Variants in TRIM54 observed in about 807,000 individuals in gnomAD.
TRIM54 encodes tripartite motif-containing protein 54.
TRIM54 carries 40 observed loss-of-function variants against 42.0 expected under a neutral mutation model. The observed-to-expected ratio is 0.95, with a 90% CI of 0.74 to 1.24. The LOEUF is 1.24. TRIM54 is among the 50% of genes most tolerant of loss of function. TRIM54 has a pLI of 0.00. For missense variants in TRIM54, 485 were observed against 480.3 expected (o/e 1.01, Z -0.09); for synonymous variants, 199 against 194.9 (o/e 1.02, Z -0.17).
chr2:27,294,908 AAAG>A (rs1284894063), intron 1 of TRIM54, among the ~76,000 whole-genome samples: 1 of 151,542 alleles, frequency 6.6e-6, no homozygotes, highest in South Asian at 2.1e-4. Flanking sequence ...AAAAAAAAAA[AAAG>A]AGTATTACCT....
Position 27,306,685 on chromosome 2 carries a change from C to G in TRIM54, c.*1+143C>G, listed in dbSNP as rs1030783518. 1.5e-5 allele frequency: 14 copies of G among 911,996 alleles called. No homozygotes were observed. Among genetic ancestry groups the G allele is most frequent in the Non-Finnish European group, 2.3e-5 (14 of 614,398 alleles). The allele number at this position is 911,996 out of a possible 1,614,324, so 56.5% of individuals were successfully genotyped here. On this transcript the variant is annotated intron_variant, in intron 8 of 8. Coordinates refer to ENST00000380075, the MANE Select transcript of TRIM54 (RefSeq NM_187841.3). The surrounding 1 kb of genome is among the most constrained non-coding windows in gnomAD (Gnocchi z 6.1). ...GCCCCCACTCCTCGGTGCAACCCAA[C>G]CCCGGAGCCACAAAGGCGCGCCCCC...
At chr2:27,285,007 C>A (rs1678516808) in intron 1 of TRIM54, among the ~76,000 whole-genome samples, 1 of 152,168 alleles carries the variant, frequency 6.6e-6, no homozygotes, top group African/African-American at 2.4e-5. Flanking sequence ...TGGCTTGGGG[C>A]AAATCCTGTA....
chr2:27,291,299 G>A (rs1255066385), intron 1 of TRIM54, among the ~76,000 whole-genome samples: 6 of 152,202 alleles, frequency 3.9e-5, no homozygotes. Context: ...AGGTTGCAGT[G>A]AGCCGAGATC....
At chr2:27,300,004 T>C (rs957982281) in intron 3 of TRIM54, among the ~76,000 whole-genome samples, 2 of 151,512 alleles carry the variant, frequency 1.3e-5, no homozygotes, top group Non-Finnish European at 2.9e-5. Context: ...GATGTGGGGA[T>C]CTCTGTCGCG....
At position 27,282,775 on chromosome 2, in the gene TRIM54, A is replaced by G. The variant is rs772369859; in HGVS notation, c.44A>G (p.His15Arg). The G allele has an allele frequency of 6.2e-7, 1 of 1,613,782 alleles. No individual in the cohort carries two copies. Among genetic ancestry groups the G allele is most frequent in the South Asian group, 1.1e-5 (1 of 91,034 alleles). The part of the protein sequence containing the change: ...VGFKPLLGDA[H>R]SMDNLEKQLI... Reference sequence around the variant, plus strand: ...TTCAAGCCGCTGCTAGGGGATGCACACAGCATGGACAACCTGGAGAAGCAG... The same window carrying G: ...TTCAAGCCGCTGCTAGGGGATGCACGCAGCATGGACAACCTGGAGAAGCAG... The change falls in exon 1 of 9, where the codon CAC (histidine) becomes CGC (arginine). Residue 15 changes from histidine to arginine, a missense_variant. His to Arg is a conservative substitution (Grantham distance 29). Transcript: ENST00000380075.
At chr2:27,305,418 GT>G in intron 4 of TRIM54, 165 bp from the exon 5 acceptor site, 1 of 620,000 alleles carries the variant, frequency 1.6e-6, no homozygotes, top group Non-Finnish European at 2.9e-6. Flanking sequence ...AAAGCATTGT[GT>G]TTTTATTATG....
At chr2:27,299,143 C>T (rs1017420612) in intron 2 of TRIM54, 102 bp from the exon 3 acceptor site, 18 of 1,352,630 alleles carry the variant, frequency 1.3e-5, no homozygotes, top group Non-Finnish European at 1.6e-5. Context: ...GCACTAGCTG[C>T]AGGGGCGGAG....
In TRIM54 at chr2:27,306,025, G is replaced by C; in HGVS notation, c.844-55G>C. On this transcript the variant is annotated intron_variant, in intron 5 of 8. Coordinates refer to ENST00000380075, the MANE Select transcript of TRIM54 (RefSeq NM_187841.3). The surrounding 1 kb of genome is among the most constrained non-coding windows in gnomAD (Gnocchi z 6.1). Reference sequence around the variant, plus strand: ...GGACTGTGGTGAGATTCAGAAATGGGACTTTGCCCAGGTTGGCCCAGTGCT... The same window carrying C: ...GGACTGTGGTGAGATTCAGAAATGGCACTTTGCCCAGGTTGGCCCAGTGCT... The C allele has an allele frequency of 6.2e-7, 1 of 1,609,344 alleles. No individual in the cohort carries two copies.
At chr2:27,287,296 G>A (rs890658959) in intron 1 of TRIM54, among the ~76,000 whole-genome samples, 5 of 152,142 alleles carry the variant, frequency 3.3e-5, no homozygotes, top group Non-Finnish European at 7.3e-5. Context: ...CGACTTCCCA[G>A]CCTCTAGCCA....
At chr2:27,302,105 G>C (rs1448797797) in intron 3 of TRIM54, among the ~76,000 whole-genome samples, 1 of 151,964 alleles carries the variant, frequency 6.6e-6, no homozygotes, top group Non-Finnish European at 1.5e-5. Flanking sequence ...AGTGAGCTGA[G>C]ATTGCGCTAT....
rs1553379122 is a variant in TRIM54 at position 27,283,784 on chromosome 2, G to GCACGCACACACACA, written c.168+888_168+889insGCACACACACACAC. Among the ~76,000 whole-genome samples, 3 of 132,168 alleles carry GCACGCACACACACA rather than the reference G, an allele frequency of 2.3e-5. No individual in the cohort carries two copies. The Admixed American group carries it at 2.3e-4, about 10-fold the overall frequency. 86.7% of individuals were successfully genotyped at this position (132,168 alleles called of 152,430 possible). ...CAAAGGCACACACACACACACGCGC[G>GCACGCACACACACA]CACACACACACACACACACACACAC... On this transcript the variant is annotated intron_variant, in intron 1 of 8. Transcript: ENST00000380075.
At chr2:27,303,836 A>C (rs1383548862) in intron 3 of TRIM54, among the ~76,000 whole-genome samples, 1 of 152,226 alleles carries the variant, frequency 6.6e-6, no homozygotes, top group African/African-American at 2.4e-5. Flanking sequence ...GGAATTATTA[A>C]ATAATTGGAA....
rs372346323 is a variant in TRIM54 at position 27,282,758 on chromosome 2, G to A, written c.27G>A (p.Pro9=). 2.0e-5 allele frequency: 33 copies of A among 1,611,438 alleles called. No individual in the cohort carries two copies. Among genetic ancestry groups the A allele is most frequent in the African/African-American group, 4.0e-5 (3 of 74,736 alleles). The change falls in exon 1 of 9, where the codon CCG becomes CCA. Residue 9 remains proline (P), a synonymous_variant. Transcript: ENST00000380075. ...TGAACTTCACAGTGGGTTTCAAGCC[G>A]CTGCTAGGGGATGCACACAGCATGG... MNFTVGFK[P]LLGDAHSMDN... is the part of the protein sequence containing the mutation.
intron 1 of TRIM54, among the ~76,000 whole-genome samples, chr2:27,284,904 C>T (rs1485440052): frequency 6.6e-6 from 1 of 152,152 alleles, no homozygotes; most frequent in Non-Finnish European, 1.5e-5. Flanking sequence ...TTTAAGTGAC[C>T]TGCTTATTTA....
At chr2:27,283,402 A>C (rs1403417745) in intron 1 of TRIM54, among the ~76,000 whole-genome samples, 1 of 152,180 alleles carries the variant, frequency 6.6e-6, no homozygotes, top group African/African-American at 2.4e-5. Context: ...TGTGGGTGAC[A>C]GAGTTAGACA....
At chr2:27,304,822 C>A in intron 3 of TRIM54, 137 bp from the exon 4 acceptor site, 1 of 638,632 alleles carries the variant, frequency 1.6e-6, no homozygotes, top group Admixed American at 2.7e-5. Flanking sequence ...ATGGTTCAAG[C>A]CTTCTAGATT....
In TRIM54 at chr2:27,307,297, G is replaced by T. The variant is rs1280196323; in HGVS notation, c.*412G>T. The T allele has an allele frequency of 1.4e-5, 10 of 700,722 alleles. No individual in the cohort carries two copies. Among genetic ancestry groups the T allele is most frequent in the Non-Finnish European group, 1.8e-5 (8 of 438,186 alleles). The allele number at this position is 700,722 out of a possible 1,614,324, so 43.4% of individuals were successfully genotyped here. The stretch of plus-strand genomic sequence containing the variant: ...CCTGGCTGAAAGCCGCTGTCTCGGA[G>T]CCCCCCACAGCATTTTGTTCCCCTC... On this transcript the variant is annotated 3_prime_UTR_variant, in exon 9 of 9. Transcript: ENST00000380075. This position sits in a 1 kb window ranked among gnomAD's most constrained non-coding sequence, Gnocchi z 6.9.
At chr2:27,302,395 A>G (rs6760868) in intron 3 of TRIM54, among the ~76,000 whole-genome samples, 58,702 of 151,366 alleles carry the variant, frequency 0.39, 14,132 homozygotes, top group African/African-American at 0.67. Flanking sequence ...GCAGTGAGCC[A>G]AGATCGGGCC....
intron 1 of TRIM54, among the ~76,000 whole-genome samples, chr2:27,283,930 C>T (rs1303942326): frequency 1.3e-5 from 2 of 152,106 alleles, no homozygotes; most frequent in Non-Finnish European, 2.9e-5. Context: ...GTCAGGAGTT[C>T]AAGACCAGCT....
Sources: allele counts gnomAD v4.1 joint callset (sites outside exome capture counted in the v4.1 genomes callset), GRCh38; gene constraint gnomAD v4.1.1; non-coding constraint Gnocchi (gnomAD v3.1); transcripts MANE v1.5; gene names NCBI Gene and HGNC (gene_info 2026-07-23, HGNC 2026-07-21).